The following SPON1 variants were observed in gnomAD, a reference collection of about 807,000 sequenced individuals.
SPON1 encodes spondin-1.
In SPON1, 52 loss-of-function variants were observed where a neutral mutation model predicts 111.7. The ratio of observed to expected loss-of-function variants is 0.47; its 90% CI spans 0.37 to 0.59. The LOEUF is 0.59. SPON1 is among the 20% of genes least tolerant of loss of function. SPON1 has a pLI of 0.00. For missense variants in SPON1, 957 were observed against 1,068.5 expected, an observed-to-expected ratio of 0.90 and a Z score of 1.46; for synonymous variants, 410 against 395.8, an observed-to-expected ratio of 1.04 and a Z score of -0.43.
rs146211158 is a variant in SPON1, at chr11:14,011,653, G to A, written c.345+28700G>A. On this transcript the variant is annotated intron_variant, in intron 2 of 15. Transcript: ENST00000576479. The stretch of plus-strand genomic sequence containing the variant: ...TGGCTTATGAGGCCCTTCATGATCT[G>A]GCAACTAGCTCACATTTCCCCACTG... 3.3e-5 allele frequency among the ~76,000 whole-genome samples: 5 copies of A among 152,232 alleles called. No individual in the cohort carries two copies. In the East Asian group the frequency reaches 9.7e-4, roughly 29 times the overall value.
chr11:14,169,902 T>C (rs1554932261), intron 6 of SPON1, among the ~76,000 whole-genome samples: 1 of 152,200 alleles, frequency 6.6e-6, no homozygotes, highest in Non-Finnish European at 1.5e-5. Context: ...ACTGTAGTCT[T>C]GTAGTATAGC....
intron 5 of SPON1, among the ~76,000 whole-genome samples, chr11:14,133,048 C>T (rs1354846967): frequency 6.6e-6 from 1 of 152,190 alleles, no homozygotes; most frequent in Non-Finnish European, 1.5e-5. Flanking sequence ...GGATTTCAGT[C>T]CCTGTCTGCT....
chr11:14,204,085 ATCTGATTGAG>A (rs1554935936), intron 6 of SPON1, among the ~76,000 whole-genome samples: 2 of 152,264 alleles, frequency 1.3e-5, no homozygotes, highest in African/African-American at 4.8e-5. Flanking sequence ...ACACCTGCAA[ATCTGATTGAG>A]TCTGATTGAA....
intron 3 of SPON1, among the ~76,000 whole-genome samples, chr11:14,069,375 C>T (rs2697828): frequency 0.46 from 69,377 of 151,940 alleles, 16,510 homozygotes; most frequent in South Asian, 0.66. Context: ...ATCCAATATG[C>T]TATAAGTCCT....
rs1847583869 is a variant in SPON1 at position 14,135,700 on chromosome 11, T to G, written c.825+132T>G. 3 of 910,234 alleles carry G rather than the reference T, an allele frequency of 3.3e-6. No homozygotes were observed. The highest frequency in any genetic ancestry group is 1.7e-6 in the Non-Finnish European group (1 of 603,894). 56.4% of individuals were successfully genotyped at this position (910,234 alleles called of 1,614,324 possible). ...AAAATCTATTTGCTGAGTTTGGGGG[T>G]TTTATGTTAAGTAGAGGACAGACAG... is the stretch of plus-strand genomic sequence containing the variant. On this transcript the variant is annotated intron_variant, in intron 6 of 15. Transcript: ENST00000576479. The surrounding 1 kb of genome is among the most constrained non-coding windows in gnomAD (Gnocchi z 4.4).
Position 14,259,308 on chromosome 11 carries a change from G to A in SPON1, c.1521G>A (p.Trp507Ter). Residue 507 changes from tryptophan (W) to a stop codon, truncating the protein, a stop_gained, in exon 12 of 16, where the codon TGG becomes TGA. Transcript: ENST00000576479. LOFTEE classifies it high-confidence loss of function. This position sits in a 1 kb window ranked among gnomAD's most constrained non-coding sequence, Gnocchi z 5.0. ...EDGSTCTMSE[W>*]ITWSPCSISC... ...GCTCCACCTGCACCATGTCCGAGTG[G>A]ATCACCTGGTCGCCCTGCAGCATCT... The A allele has an allele frequency of 6.2e-7, 1 of 1,612,934 alleles. No homozygotes were observed.
intron 4 of SPON1, among the ~76,000 whole-genome samples, chr11:14,078,513 A>G (rs1249935575): frequency 6.6e-6 from 1 of 152,178 alleles, no homozygotes; most frequent in Non-Finnish European, 1.5e-5. Flanking sequence ...GAAACAATAA[A>G]AAAGTTTTCT....
chr11:14,148,911 T>G (rs1366226331), intron 6 of SPON1, among the ~76,000 whole-genome samples: 3 of 152,236 alleles, frequency 2.0e-5, no homozygotes, highest in African/African-American at 4.8e-5. Flanking sequence ...ATTCATTCAT[T>G]CATGCATCAA....
intron 6 of SPON1, among the ~76,000 whole-genome samples, chr11:14,216,382 A>T (rs1303142261): frequency 6.6e-6 from 1 of 152,328 alleles, no homozygotes; most frequent in South Asian, 2.1e-4. Flanking sequence ...CAATGTGCAG[A>T]TGCCTCCCCC....
intron 2 of SPON1, among the ~76,000 whole-genome samples, chr11:14,008,801 C>T (rs1222801112): frequency 1.2e-4 from 18 of 152,126 alleles, no homozygotes; most frequent in Non-Finnish European, 2.4e-4. Flanking sequence ...AGGTCCTTCC[C>T]TTCAGCTCAA....
chr11:14,264,051 A>T (rs926907495), intron 15 of SPON1, among the ~76,000 whole-genome samples: 21 of 151,712 alleles, frequency 1.4e-4, no homozygotes, highest in South Asian at 2.1e-4. Flanking sequence ...AAAAAAAAAG[A>T]AAAGTACATT....
chr11:14,250,658 C>A (rs1305849086), intron 7 of SPON1, among the ~76,000 whole-genome samples: 1 of 151,906 alleles, frequency 6.6e-6, no homozygotes, highest in Non-Finnish European at 1.5e-5. Context: ...AATCTAAGTC[C>A]CAGGTAGAAA....
chr11:14,167,716 G>A (rs561315185), intron 6 of SPON1, among the ~76,000 whole-genome samples: 2 of 152,028 alleles, frequency 1.3e-5, no homozygotes, highest in East Asian at 1.9e-4. Flanking sequence ...CCATCAAATA[G>A]CAGATTAATT....
intron 7 of SPON1, among the ~76,000 whole-genome samples, chr11:14,244,258 C>T (rs114006587): frequency 0.017 from 2,627 of 152,248 alleles, 73 homozygotes; most frequent in African/African-American, 0.059. Context: ...CAGTGGCTTA[C>T]GCTGTAATCT....
At chr11:14,066,006 C>G (rs1345405104) in intron 3 of SPON1, among the ~76,000 whole-genome samples, 1 of 152,126 alleles carries the variant, frequency 6.6e-6, no homozygotes, top group Non-Finnish European at 1.5e-5. Context: ...AGGGAGGTCA[C>G]CGAATAGCAA....
intron 5 of SPON1, among the ~76,000 whole-genome samples, chr11:14,091,779 G>T (rs1849060599): frequency 6.6e-6 from 1 of 152,226 alleles, no homozygotes; most frequent in African/African-American, 2.4e-5. Context: ...GGCTCCCACA[G>T]TGCAGTGGGG....
chr11:14,242,397 A>G (rs1274111407), intron 6 of SPON1, among the ~76,000 whole-genome samples: 3 of 152,248 alleles, frequency 2.0e-5, no homozygotes, highest in African/African-American at 7.2e-5. Flanking sequence ...AGCTGGTGAC[A>G]TTCTGGAGTT....
chr11:14,184,214 A>G (rs1401197750), intron 6 of SPON1, among the ~76,000 whole-genome samples: 1 of 152,150 alleles, frequency 6.6e-6, no homozygotes, highest in African/African-American at 2.4e-5. Flanking sequence ...ATCTATTAAC[A>G]TAAATTCTTT....
chr11:14,089,681 T>C (rs1849034534), intron 5 of SPON1, among the ~76,000 whole-genome samples: 1 of 152,038 alleles, frequency 6.6e-6, no homozygotes, highest in African/African-American at 2.4e-5. Context: ...GAATCCTCCT[T>C]GTCAGGATCT....
Sources: allele counts gnomAD v4.1 joint callset (sites outside exome capture counted in the v4.1 genomes callset), GRCh38; gene constraint gnomAD v4.1.1; non-coding constraint Gnocchi (gnomAD v3.1); transcripts MANE v1.5; gene names NCBI Gene and HGNC (gene_info 2026-07-23, HGNC 2026-07-21).